The following USO1 variants were observed in gnomAD, a reference collection of about 807,000 sequenced individuals.
USO1 encodes general vesicular transport factor p115.
Under a neutral mutation model 124.5 loss-of-function variants are expected in USO1, and 57 were observed. That is an observed-to-expected ratio of 0.46 (90% CI 0.37 to 0.57). USO1 has a LOEUF of 0.57. Among genes scored for constraint, USO1 ranks in the 20% least tolerant of loss-of-function variants. The pLI is 0.00. For synonymous variants in USO1, 369 were observed against 362.8 expected, an observed-to-expected ratio of 1.02 and a Z score of -0.19; for missense variants, 900 against 1,040.6, an observed-to-expected ratio of 0.86 and a Z score of 1.86.
intron 10 of USO1, among the ~76,000 whole-genome samples, chr4:75,789,382 A>G (rs1003719680): frequency 2.0e-5 from 3 of 152,116 alleles, no homozygotes; most frequent in Non-Finnish European, 4.4e-5. Context: ...GGTTCAAGCA[A>G]TTCTCCTGCC....
At chr4:75,738,449 T>A (rs1483117553) in intron 1 of USO1, among the ~76,000 whole-genome samples, 1 of 150,322 alleles carries the variant, frequency 6.7e-6, no homozygotes, top group Non-Finnish European at 1.5e-5. Context: ...AGAGTGAGAC[T>A]TCGTCTCAAA....
At chr4:75,747,602 C>CTTTTTTTTT (rs59636038) in intron 1 of USO1, among the ~76,000 whole-genome samples, 1 of 83,692 alleles carries the variant, frequency 1.2e-5, no homozygotes, top group Non-Finnish European at 2.2e-5. Context: ...TCACCTTTGA[C>CTTTTTTTTT]TTTTTTTTTT....
chr4:75,807,962 A>T (rs1723042652), intron 20 of USO1, among the ~76,000 whole-genome samples: 1 of 152,074 alleles, frequency 6.6e-6, no homozygotes. Context: ...GAAAACTGTA[A>T]CTCATTTTAA....
At chr4:75,755,465 A>G (rs766095161) in intron 3 of USO1, 3 of 520,026 alleles carry the variant, frequency 5.8e-6, no homozygotes, top group South Asian at 1.4e-5. Flanking sequence ...TGTGAAGTTC[A>G]TGTTTCTCAA....
At chr4:75,797,800 C>T (rs1315025565) in intron 13 of USO1, among the ~76,000 whole-genome samples, 1 of 151,966 alleles carries the variant, frequency 6.6e-6, no homozygotes, top group Non-Finnish European at 1.5e-5. Flanking sequence ...CGCCACCTCG[C>T]CTGGCTAATT....
intron 7 of USO1, among the ~76,000 whole-genome samples, chr4:75,773,922 C>G (rs1002044278): frequency 5.3e-5 from 8 of 149,660 alleles, no homozygotes; most frequent in Non-Finnish European, 1.2e-4. Flanking sequence ...GCTTTTTTTT[C>G]GTAAAATATT....
At chr4:75,756,962 T>C (rs1721464285) in intron 3 of USO1, among the ~76,000 whole-genome samples, 1 of 151,928 alleles carries the variant, frequency 6.6e-6, no homozygotes, top group Non-Finnish European at 1.5e-5. Context: ...TGTATACATA[T>C]ATATACATAT....
chr4:75,745,072 C>T, intron 1 of USO1: 1 of 334,732 alleles, frequency 3.0e-6, no homozygotes, highest in South Asian at 2.4e-5. Flanking sequence ...TTAATGCCTT[C>T]TTTGACCTTA....
Position 75,805,015 on chromosome 4 carries a change from A to G in USO1, c.2126-125A>G, listed in dbSNP as rs370346825. 2.2e-5 allele frequency: 28 copies of G among 1,273,126 alleles called. No individual in the cohort carries two copies. The East Asian group carries it at 3.9e-4, about 18-fold the overall frequency. The allele number at this position is 1,273,126 out of a possible 1,614,324, so 78.9% of individuals were successfully genotyped here. ...TCAGTATACCATTCTGCAAAGATGAAATGTGATTGCAAAAGTGCTGCCAAA... is the reference window on the plus strand; with the variant it reads ...TCAGTATACCATTCTGCAAAGATGAGATGTGATTGCAAAAGTGCTGCCAAA... On this transcript the variant is annotated intron_variant, in intron 18 of 23. Transcript: ENST00000514213.
intron 4 of USO1, among the ~76,000 whole-genome samples, chr4:75,764,523 C>G (rs180979950): frequency 3.4e-4 from 51 of 152,154 alleles, no homozygotes; most frequent in Non-Finnish European, 5.3e-4. Context: ...ATATACTAAC[C>G]AAGGCTTGGT....
chr4:75,748,071 C>A (rs187928929), intron 1 of USO1, among the ~76,000 whole-genome samples: 4 of 151,700 alleles, frequency 2.6e-5, no homozygotes, highest in Non-Finnish European at 5.9e-5. Flanking sequence ...CCACGCCCAG[C>A]TAATTTTGTA....
intron 1 of USO1, among the ~76,000 whole-genome samples, chr4:75,732,876 T>TAAAAAAAAAAAAAA (rs3059597): frequency 2.1e-5 from 1 of 48,182 alleles, no homozygotes; most frequent in Admixed American, 4.0e-4. Flanking sequence ...AGATTCCATC[T>TAAAAAAAAAAAAAA]AAAAAAAAAA....
intron 17 of USO1, among the ~76,000 whole-genome samples, chr4:75,803,523 G>A (rs900484002): frequency 4.6e-5 from 7 of 151,500 alleles, no homozygotes; most frequent in South Asian, 2.1e-4. Context: ...GGCAGCGGGC[G>A]CCTGTAATCC....
At chr4:75,778,112 A>G (rs553694361) in intron 8 of USO1, among the ~76,000 whole-genome samples, 1 of 152,282 alleles carries the variant, frequency 6.6e-6, no homozygotes, top group South Asian at 2.1e-4. Context: ...TATTCCAACT[A>G]TAGTTGACCT....
intron 1 of USO1, among the ~76,000 whole-genome samples, chr4:75,742,768 A>G (rs995457933): frequency 6.6e-6 from 1 of 152,228 alleles, no homozygotes; most frequent in African/African-American, 2.4e-5. Context: ...TTACATTAAA[A>G]TCTGATATCT....
intron 13 of USO1, among the ~76,000 whole-genome samples, chr4:75,795,560 CTG>C (rs916692656): frequency 2.0e-5 from 3 of 152,128 alleles, no homozygotes; most frequent in African/African-American, 7.2e-5. Flanking sequence ...TTACTAAACA[CTG>C]TGGGAATGAG....
intron 1 of USO1, among the ~76,000 whole-genome samples, chr4:75,739,538 C>CTT (rs753369609): frequency 0.01 from 1,058 of 105,402 alleles, 29 homozygotes; most frequent in East Asian, 0.016. Flanking sequence ...TTATCTTTTT[C>CTT]TTTTTTTTTT....
intron 1 of USO1, among the ~76,000 whole-genome samples, chr4:75,739,844 C>T (rs1577927657): frequency 6.6e-6 from 1 of 152,082 alleles, no homozygotes; most frequent in East Asian, 1.9e-4. Flanking sequence ...CACCCAGCCT[C>T]ATCTTTGTAT....
chr4:75,729,713 T>C (rs1476740985), intron 1 of USO1, among the ~76,000 whole-genome samples: 1 of 152,118 alleles, frequency 6.6e-6, no homozygotes, highest in African/African-American at 2.4e-5. Context: ...TGATGATGAA[T>C]CATAGAGGCA....
Sources: allele counts gnomAD v4.1 joint callset (sites outside exome capture counted in the v4.1 genomes callset), GRCh38; gene constraint gnomAD v4.1.1; transcripts MANE v1.5; gene names NCBI Gene and HGNC (gene_info 2026-07-23, HGNC 2026-07-21).